Variants in DPP6 observed in about 807,000 individuals in gnomAD.
DPP6 encodes the protein dipeptidyl peptidase like 6.
A neutral mutation model predicts 122.6 loss-of-function variants in DPP6; 69 were observed. The observed-to-expected ratio is 0.56, with a 90% CI of 0.46 to 0.69. The LOEUF (loss-of-function observed/expected upper bound fraction) is 0.69, where lower values mean the gene tolerates loss of function less well. Among genes scored for constraint, DPP6 ranks in the 30% least tolerant of loss-of-function variants. The probability of loss-of-function intolerance (pLI) is 0.00; values close to 1 mark genes in which losing one functional copy is unlikely to be tolerated. For missense variants in DPP6, 928 were observed against 1,116.9 expected, an observed-to-expected ratio of 0.83 and a Z score of 2.41; for synonymous variants, 418 against 433.1, an observed-to-expected ratio of 0.97 and a Z score of 0.43.
chr7:153,834,778 T>A, the DPP6 span, among the ~76,000 whole-genome samples: 1 of 151,592 alleles, frequency 6.6e-6, no homozygotes, highest in Non-Finnish European at 1.5e-5. Flanking sequence ...GCAAGGAGAA[T>A]GTGTCTTTTC....
intron 5 of DPP6, among the ~76,000 whole-genome samples, chr7:154,572,578 G>A (rs9640348): frequency 0.49 from 67,803 of 139,032 alleles, 17,640 homozygotes; most frequent in East Asian, 0.95. Context: ...GTGCAGTGGC[G>A]TGATCTCGAC....
At chr7:153,953,165 T>C (rs1175952700) in intron 1 of DPP6, among the ~76,000 whole-genome samples, 1 of 152,218 alleles carries the variant, frequency 6.6e-6, no homozygotes, top group African/African-American at 2.4e-5. Context: ...AATTCAGTAG[T>C]CTTTCCCACT....
At chr7:154,402,999 C>T (rs956468667) in intron 1 of DPP6, among the ~76,000 whole-genome samples, 3 of 152,148 alleles carry the variant, frequency 2.0e-5, no homozygotes, top group Non-Finnish European at 4.4e-5. Context: ...GGGATTTAGG[C>T]ATTTGCCCAA....
At chr7:154,470,157 A>G (rs189648728) in intron 2 of DPP6, among the ~76,000 whole-genome samples, 1 of 152,320 alleles carries the variant, frequency 6.6e-6, no homozygotes, top group East Asian at 1.9e-4. Flanking sequence ...CTAGCCCTCC[A>G]TAACCCTTGT....
At chr7:154,471,083 T>C (rs1822229252) in intron 2 of DPP6, among the ~76,000 whole-genome samples, 2 of 151,950 alleles carry the variant, frequency 1.3e-5, no homozygotes, top group Admixed American at 6.6e-5. Context: ...AAACCCTGTC[T>C]CTACTAGAAA....
chr7:154,490,562 G>A (rs1824193199), intron 3 of DPP6, among the ~76,000 whole-genome samples: 1 of 152,304 alleles, frequency 6.6e-6, no homozygotes, highest in Non-Finnish European at 1.5e-5. Flanking sequence ...TTTGCTGTTA[G>A]CTTCTCACTC....
chr7:154,442,190 A>G (rs946929735), intron 1 of DPP6, among the ~76,000 whole-genome samples: 1 of 152,158 alleles, frequency 6.6e-6, no homozygotes, highest in African/African-American at 2.4e-5. Context: ...TGTTGTCCCA[A>G]GTTTTGTACG....
At chr7:153,869,906 A>G in the DPP6 span, among the ~76,000 whole-genome samples, 1 of 152,244 alleles carries the variant, frequency 6.6e-6, no homozygotes, top group Non-Finnish European at 1.5e-5. Flanking sequence ...TCCTTCACTT[A>G]TGAAGCTTAG....
intron 25 of DPP6, chr7:154,890,835 C>T (rs1393568030): frequency 2.0e-5 from 3 of 152,190 alleles, no homozygotes; most frequent in Non-Finnish European, 4.4e-5. Flanking sequence ...ATATCATAGC[C>T]TAATGACAGC....
chr7:154,496,406 G>A (rs897596199), intron 3 of DPP6, among the ~76,000 whole-genome samples: 1 of 152,184 alleles, frequency 6.6e-6, no homozygotes, highest in Non-Finnish European at 1.5e-5. Context: ...TGAGTCCAGA[G>A]ACTTAAGATT....
At chr7:154,310,672 C>A (rs1326505294) in intron 1 of DPP6, among the ~76,000 whole-genome samples, 1 of 152,184 alleles carries the variant, frequency 6.6e-6, no homozygotes, top group Non-Finnish European at 1.5e-5. Flanking sequence ...CCATGGAGAA[C>A]ACGTGAGGGC....
chr7:154,436,325 C>A (rs983871203), intron 1 of DPP6, among the ~76,000 whole-genome samples: 3 of 151,660 alleles, frequency 2.0e-5, no homozygotes, highest in Non-Finnish European at 4.4e-5. Flanking sequence ...CTGGTCACCA[C>A]CTCCTTCCTG....
chr7:154,052,819 C>T lies in DPP6; in HGVS notation c.-2C>T. On this transcript the variant is annotated 5_prime_UTR_variant, in exon 1 of 26. Coordinates refer to ENST00000377770, the MANE Select transcript of DPP6 (RefSeq NM_130797.4). The surrounding 1 kb of genome is among the most constrained non-coding windows in gnomAD (Gnocchi z 4.8). ...AGACAGCCAGCAGGAGCGCGGTGCC[C>T]GATGGCTTCGCTGTACCAGAGGTTC... 19 of 1,523,714 alleles carry T rather than the reference C, an allele frequency of 1.2e-5. No individual in the cohort carries two copies. The highest frequency in any genetic ancestry group is 1.7e-5 in the Non-Finnish European group (19 of 1,134,474). The allele number at this position is 1,523,714 out of a possible 1,614,324, so 94.4% of individuals were successfully genotyped here.
At chr7:154,006,842 T>TG (rs764274659) in intron 1 of DPP6, among the ~76,000 whole-genome samples, 2 of 152,226 alleles carry the variant, frequency 1.3e-5, no homozygotes, top group Non-Finnish European at 2.9e-5. Context: ...GAGGAAATCT[T>TG]GAATTGCCCT....
chr7:154,162,412 A>G (rs1219794073), intron 1 of DPP6, among the ~76,000 whole-genome samples: 2 of 152,248 alleles, frequency 1.3e-5, no homozygotes, highest in Non-Finnish European at 2.9e-5. Context: ...TATACACTTA[A>G]GGGTTACAAA....
intron 17 of DPP6, among the ~76,000 whole-genome samples, chr7:154,859,067 G>T (rs918697793): frequency 6.6e-6 from 1 of 152,194 alleles, no homozygotes; most frequent in African/African-American, 2.4e-5. Context: ...GGCAGCCCCA[G>T]ACCCCAAGAC....
chr7:154,563,619 G>A (rs1563860144), intron 4 of DPP6, among the ~76,000 whole-genome samples: 1 of 152,178 alleles, frequency 6.6e-6, no homozygotes, highest in Non-Finnish European at 1.5e-5. Flanking sequence ...TGTAGGGTGT[G>A]TAAAACAGAG....
intron 17 of DPP6, among the ~76,000 whole-genome samples, chr7:154,864,573 T>G (rs1339389307): frequency 1.3e-5 from 2 of 152,244 alleles, no homozygotes; most frequent in Admixed American, 1.3e-4. Context: ...TTTTCTTATT[T>G]CTCTGCTGAG....
intron 3 of DPP6, among the ~76,000 whole-genome samples, chr7:154,516,317 A>T (rs554041067): frequency 6.6e-6 from 1 of 152,014 alleles, no homozygotes; most frequent in African/African-American, 2.4e-5. Context: ...GCAGCATTCC[A>T]AGATGCAGGG....
Sources: gnomAD v4.1 joint callset for allele counts (sites outside exome capture counted in the v4.1 genomes callset) on GRCh38, gnomAD v4.1.1 for gene constraint, Gnocchi (gnomAD v3.1) non-coding constraint, MANE v1.5 for transcripts, NCBI Gene and HGNC (gene_info 2026-07-23, HGNC 2026-07-21) for gene names.